Variants in MCUB observed in about 807,000 individuals in gnomAD.
MCUB encodes the protein calcium uniporter regulatory subunit MCUb, mitochondrial.
In MCUB, 46 loss-of-function variants were observed where a neutral mutation model predicts 41.4. The ratio of observed to expected loss-of-function variants is 1.11; its 90% confidence interval spans 0.88 to 1.42. MCUB has a LOEUF of 1.42. Ranked by LOEUF, MCUB falls within the 40% of genes most tolerant of loss-of-function variation. The probability of loss-of-function intolerance (pLI) is 0.00; values close to 1 mark genes in which losing one functional copy is unlikely to be tolerated. For missense variants in MCUB, 403 were observed against 404.9 expected (o/e 1.00, Z 0.04); for synonymous variants, 148 against 148.2 (o/e 1.00, Z 0.01).
intron 1 of MCUB, among the ~76,000 whole-genome samples, chr4:109,646,541 T>A (rs1286611161): frequency 1.3e-5 from 2 of 152,242 alleles, no homozygotes; most frequent in Admixed American, 1.3e-4. Context: ...GAAAAGTGAT[T>A]TTAAAATGTA....
intron 1 of MCUB, among the ~76,000 whole-genome samples, chr4:109,585,575 A>G (rs893770092): frequency 1.3e-5 from 2 of 152,206 alleles, no homozygotes; most frequent in East Asian, 3.8e-4. Flanking sequence ...ATGTTTTTGC[A>G]GTGGCTGGTA....
chr4:109,675,590 C>T (rs148115095), intron 4 of MCUB, among the ~76,000 whole-genome samples: 1 of 152,340 alleles, frequency 6.6e-6, no homozygotes, highest in African/African-American at 2.4e-5. Flanking sequence ...AGCCATACAA[C>T]CTCATCTTTA....
At chr4:109,649,034 C>T (rs1174084752) in intron 1 of MCUB, among the ~76,000 whole-genome samples, 1 of 152,154 alleles carries the variant, frequency 6.6e-6, no homozygotes, top group African/African-American at 2.4e-5. Context: ...CAGAATTTCT[C>T]ATGCATTCTT....
chr4:109,599,596 T>C (rs1239542316), intron 1 of MCUB, among the ~76,000 whole-genome samples: 1 of 152,176 alleles, frequency 6.6e-6, no homozygotes, highest in East Asian at 1.9e-4. Context: ...GTAAGTTCCC[T>C]TGGGTAGTCT....
intron 1 of MCUB, among the ~76,000 whole-genome samples, chr4:109,623,012 C>T (rs950245476): frequency 5.3e-5 from 8 of 152,166 alleles, no homozygotes; most frequent in Non-Finnish European, 1.2e-4. Context: ...TCTATGCCTC[C>T]TGCTTCTGGT....
intron 1 of MCUB, among the ~76,000 whole-genome samples, chr4:109,653,128 G>A (rs1392751310): frequency 6.6e-6 from 1 of 152,182 alleles, no homozygotes; most frequent in East Asian, 1.9e-4. Flanking sequence ...TGTAATCCCA[G>A]CACTTTGGGA....
intron 1 of MCUB, among the ~76,000 whole-genome samples, chr4:109,584,387 T>C (rs1371786114): frequency 6.6e-6 from 1 of 152,208 alleles, no homozygotes; most frequent in African/African-American, 2.4e-5. Flanking sequence ...TTGTTGATCT[T>C]TCCAAAAAAC....
intron 1 of MCUB, among the ~76,000 whole-genome samples, chr4:109,634,960 A>G (rs1304458397): frequency 6.6e-6 from 1 of 150,980 alleles, no homozygotes; most frequent in Non-Finnish European, 1.5e-5. Flanking sequence ...TAGCCCCCCA[A>G]CCCCCTGATA....
At chr4:109,598,858 A>G (rs181684714) in intron 1 of MCUB, among the ~76,000 whole-genome samples, 10 of 152,346 alleles carry the variant, frequency 6.6e-5, no homozygotes, top group Admixed American at 4.6e-4. Context: ...CAAAGAAATA[A>G]TTGTGAAAAT....
intron 1 of MCUB, among the ~76,000 whole-genome samples, chr4:109,654,964 C>T (rs949692710): frequency 2.0e-5 from 3 of 152,118 alleles, no homozygotes; most frequent in African/African-American, 7.2e-5. Flanking sequence ...AAGTTAATAG[C>T]TTAGTGCCAC....
At chr4:109,606,444 C>G (rs1727872880) in intron 1 of MCUB, among the ~76,000 whole-genome samples, 1 of 151,702 alleles carries the variant, frequency 6.6e-6, no homozygotes, top group African/African-American at 2.4e-5. Context: ...TTTTTCCTTC[C>G]TGTCTTCCTT....
At chr4:109,560,679 G>C (rs1222338854) in intron 1 of MCUB, among the ~76,000 whole-genome samples, 2 of 152,178 alleles carry the variant, frequency 1.3e-5, no homozygotes, top group African/African-American at 4.8e-5. Context: ...CTGCGGCTGG[G>C]GGTGCCTCAC....
At chr4:109,590,438 T>A (rs1727409743) in intron 1 of MCUB, among the ~76,000 whole-genome samples, 2 of 152,254 alleles carry the variant, frequency 1.3e-5, no homozygotes, top group Non-Finnish European at 2.9e-5. Context: ...ATTTTAAAAA[T>A]TGAGCTTCTT....
At chr4:109,605,191 A>G (rs1256795911) in intron 1 of MCUB, among the ~76,000 whole-genome samples, 2 of 152,074 alleles carry the variant, frequency 1.3e-5, no homozygotes, top group Non-Finnish European at 2.9e-5. Context: ...TACAGCTTCA[A>G]TCATGTTACT....
chr4:109,590,758 A>C (rs1196563351), intron 1 of MCUB, among the ~76,000 whole-genome samples: 1 of 152,126 alleles, frequency 6.6e-6, no homozygotes, highest in East Asian at 1.9e-4. Context: ...CTCCTGCCCC[A>C]TGCTTGTCTC....
At chr4:109,590,494 GAGTTTTTAAAATTT>G (rs1727411598) in intron 1 of MCUB, among the ~76,000 whole-genome samples, 2 of 152,108 alleles carry the variant, frequency 1.3e-5, no homozygotes, top group Non-Finnish European at 2.9e-5. Context: ...TAAAAAAATT[GAGTTTTTAAAATTT>G]AGTTTTTATT....
chr4:109,668,560 A>G lies in MCUB; in HGVS notation c.451+4166A>G, dbSNP rs117979300. On this transcript the variant is annotated intron_variant, in intron 4 of 7. Coordinates refer to ENST00000394650, the MANE Select transcript of MCUB (RefSeq NM_017918.5). ...AAAGTGGGTTTCTTATAGACAATAT[A>G]TAGTTGGATCTGGGTTTTTGACCCA... Among the ~76,000 whole-genome samples the G allele has an allele frequency of 3.6e-3, 555 of 152,166 alleles. 7 individuals are homozygous for G. Among genetic ancestry groups the G allele is most frequent in the East Asian group, 0.013 (69 of 5,182 alleles).
rs1045926441 is a variant in MCUB, at chr4:109,687,793, T to C, written c.*201T>C. 13 of 556,012 alleles carry C rather than the reference T, an allele frequency of 2.3e-5. No homozygotes were observed. Among genetic ancestry groups the C allele is most frequent in the Non-Finnish European group, 3.8e-5 (12 of 317,844 alleles). The allele number at this position is 556,012 out of a possible 1,614,324, so 34.4% of individuals were successfully genotyped here. On this transcript the variant is annotated 3_prime_UTR_variant, in exon 8 of 8. Coordinates refer to ENST00000394650, the MANE Select transcript of MCUB (RefSeq NM_017918.5). ...TTGCTAATGTTAGAAAGGGCTTGTA[T>C]GCGTCTATCAAAGCAACGGTGGCTG...
At chr4:109,661,651 G>A (rs80293771) in intron 3 of MCUB, among the ~76,000 whole-genome samples, 1,922 of 152,256 alleles carry the variant, frequency 0.013, 39 homozygotes, top group African/African-American at 0.044. Context: ...AGCAGAGTGT[G>A]GAAGATGTGT....
Sources: allele counts gnomAD v4.1 joint callset (sites outside exome capture counted in the v4.1 genomes callset), GRCh38; gene constraint gnomAD v4.1.1; transcripts MANE v1.5; gene names NCBI Gene and HGNC (gene_info 2026-07-23, HGNC 2026-07-21).